ADAMTS17: variants seen among roughly 807,000 people sequenced by gnomAD.
The protein encoded by ADAMTS17 is ADAM metallopeptidase with thrombospondin type 1 motif 17.
Under a neutral mutation model 141.5 loss-of-function variants are expected in ADAMTS17, and 113 were observed. The observed-to-expected ratio is 0.80, with a 90% confidence interval of 0.69 to 0.93. The LOEUF is 0.93. Ranked by LOEUF, ADAMTS17 falls within the 40% of genes least tolerant of loss-of-function variation. ADAMTS17 has a pLI of 0.00. For synonymous variants in ADAMTS17, 768 were observed against 630.6 expected, an observed-to-expected ratio of 1.22 and a Z score of -3.27; for missense variants, 1,659 against 1,517.9, an observed-to-expected ratio of 1.09 and a Z score of -1.54.
intron 14 of ADAMTS17, among the ~76,000 whole-genome samples, chr15:100,101,527 G>A (rs2036099452): frequency 6.6e-6 from 1 of 152,206 alleles, no homozygotes. Flanking sequence ...CTTCGCCTCT[G>A]GTCGTTGGGT....
At chr15:99,978,021 G>C (rs1415519045) in intron 20 of ADAMTS17, among the ~76,000 whole-genome samples, 1 of 152,216 alleles carries the variant, frequency 6.6e-6, no homozygotes, top group East Asian at 1.9e-4. Flanking sequence ...GCAGGGCGTG[G>C]AGGGTTTGGG....
intron 14 of ADAMTS17, among the ~76,000 whole-genome samples, chr15:100,102,187 T>G (rs1203113245): frequency 6.6e-6 from 1 of 152,240 alleles, no homozygotes; most frequent in Non-Finnish European, 1.5e-5. Flanking sequence ...TTGTTTTTCT[T>G]GGTCTTTCTC....
At chr15:100,253,781 A>G (rs1186901286) in intron 7 of ADAMTS17, among the ~76,000 whole-genome samples, 1 of 152,130 alleles carries the variant, frequency 6.6e-6, no homozygotes, top group African/African-American at 2.4e-5. Context: ...CTTTCATCTC[A>G]TGACCACAAC....
At chr15:100,041,240 G>T (rs1002591564) in intron 18 of ADAMTS17, among the ~76,000 whole-genome samples, 5 of 152,332 alleles carry the variant, frequency 3.3e-5, no homozygotes, top group African/African-American at 1.2e-4. Context: ...TTGCCAGTAA[G>T]ATGTTGAATG....
Position 100,199,299 on chromosome 15 carries a change from C to A in ADAMTS17, c.1181+19G>T, listed in dbSNP as rs771508769. 5.0e-6 allele frequency: 8 copies of A among 1,606,000 alleles called. No homozygotes were observed. The highest frequency in any genetic ancestry group is 4.0e-5 in the African/African-American group (3 of 74,784). On this transcript the variant is annotated intron_variant, in intron 8 of 21. Coordinates refer to ENST00000268070, the MANE Select transcript of ADAMTS17 (RefSeq NM_139057.4). ...AAAGGACTGAAAGAAAACAGGACGA[C>A]ACAGAGTCTGATACTTACTTGTGGC...
intron 12 of ADAMTS17, among the ~76,000 whole-genome samples, chr15:100,117,974 G>A (rs2037243882): frequency 6.6e-6 from 1 of 152,208 alleles, no homozygotes. Context: ...TTCGTGTTGT[G>A]TATTTCTTTT....
chr15:100,048,740 A>G (rs2031907045), intron 18 of ADAMTS17, 117 bp downstream of exon 18: 2 of 1,489,918 alleles, frequency 1.3e-6, no homozygotes, highest in Non-Finnish European at 1.8e-6. Flanking sequence ...CTCATCAACA[A>G]TAACGGAACA....
intron 6 of ADAMTS17, among the ~76,000 whole-genome samples, chr15:100,254,849 G>A (rs1218509639): frequency 1.3e-5 from 2 of 152,190 alleles, no homozygotes; most frequent in Non-Finnish European, 2.9e-5. Context: ...AGCCGGGGGA[G>A]GCGGGGTGAA....
intron 4 of ADAMTS17, among the ~76,000 whole-genome samples, chr15:100,270,600 A>G (rs543151509): frequency 8.6e-5 from 13 of 151,558 alleles, no homozygotes; most frequent in Non-Finnish European, 8.8e-5. Context: ...TTATGCATTC[A>G]CTGACTACAC....
At chr15:100,244,061 C>T (rs918322855) in intron 7 of ADAMTS17, among the ~76,000 whole-genome samples, 2 of 151,976 alleles carry the variant, frequency 1.3e-5, no homozygotes, top group Admixed American at 6.6e-5. Flanking sequence ...CTGAGGAGGC[C>T]TCACAGTCAT....
At chr15:100,104,167 C>A (rs542524046) in intron 14 of ADAMTS17, among the ~76,000 whole-genome samples, 1 of 152,304 alleles carries the variant, frequency 6.6e-6, no homozygotes, top group South Asian at 2.1e-4. Flanking sequence ...CAGCTGGACT[C>A]GCTCATTGCA....
chr15:100,312,435 T>G (rs929892934), intron 3 of ADAMTS17, among the ~76,000 whole-genome samples: 1 of 152,216 alleles, frequency 6.6e-6, no homozygotes, highest in Non-Finnish European at 1.5e-5. Flanking sequence ...CTGCTGACAC[T>G]TTGATTTTAC....
At chr15:100,053,592 T>C (rs1332660441) in intron 16 of ADAMTS17, among the ~76,000 whole-genome samples, 1 of 152,216 alleles carries the variant, frequency 6.6e-6, no homozygotes, top group Non-Finnish European at 1.5e-5. Context: ...CAAGTCTCCC[T>C]GGCTGCCATC....
At chr15:100,275,337 G>A (rs571356259) in intron 4 of ADAMTS17, among the ~76,000 whole-genome samples, 13 of 152,284 alleles carry the variant, frequency 8.5e-5, no homozygotes, top group African/African-American at 3.1e-4. Context: ...CAATGCAAGG[G>A]GAAGCCACAG....
intron 18 of ADAMTS17, among the ~76,000 whole-genome samples, chr15:100,016,971 G>A (rs1295349410): frequency 6.6e-6 from 1 of 152,164 alleles, no homozygotes; most frequent in Non-Finnish European, 1.5e-5. Context: ...GGTGGATAGG[G>A]AAGGCCCATT....
intron 9 of ADAMTS17, among the ~76,000 whole-genome samples, chr15:100,153,938 T>G (rs368676794): frequency 6.6e-6 from 1 of 152,320 alleles, no homozygotes; most frequent in South Asian, 2.1e-4. Flanking sequence ...CCCAGCACTT[T>G]GGGAGGCCGA....
At chr15:100,167,301 C>T (rs535825478) in intron 8 of ADAMTS17, among the ~76,000 whole-genome samples, 1 of 152,294 alleles carries the variant, frequency 6.6e-6, no homozygotes, top group South Asian at 2.1e-4. Flanking sequence ...AGCTGGAGAA[C>T]AATTAGTGGC....
chr15:100,130,093 G>A (rs2037957963), intron 12 of ADAMTS17, among the ~76,000 whole-genome samples: 1 of 151,952 alleles, frequency 6.6e-6, no homozygotes, highest in African/African-American at 2.4e-5. Context: ...GATTGGGCAT[G>A]GTGGCTCACA....
chr15:100,249,427 T>C (rs11857051), intron 7 of ADAMTS17, among the ~76,000 whole-genome samples: 13,819 of 152,176 alleles, frequency 0.091, 1,485 homozygotes, highest in African/African-American at 0.26. Context: ...CTGTTGCCTC[T>C]CCTATGGAAG....
Sources: gnomAD v4.1 joint callset for allele counts (sites outside exome capture counted in the v4.1 genomes callset) on GRCh38, gnomAD v4.1.1 for gene constraint, MANE v1.5 for transcripts, NCBI Gene and HGNC (gene_info 2026-07-23, HGNC 2026-07-21) for gene names.